CNTN5: variants seen among roughly 807,000 people sequenced by gnomAD.
CNTN5 encodes the protein contactin-5.
A neutral mutation model predicts 129.1 loss-of-function variants in CNTN5; 77 were observed. That is an observed-to-expected ratio of 0.60 (90% confidence interval 0.50 to 0.72). The LOEUF (loss-of-function observed/expected upper bound fraction) is 0.72, where lower values mean the gene tolerates loss of function less well. Ranked by LOEUF, CNTN5 falls within the 30% of genes least tolerant of loss-of-function variation. The pLI is 0.00. For missense variants in CNTN5, 1,478 were observed against 1,328.8 expected, an observed-to-expected ratio of 1.11 and a Z score of -1.75; for synonymous variants, 509 against 465.6, an observed-to-expected ratio of 1.09 and a Z score of -1.20.
rs568662705 is a variant in CNTN5 at position 99,841,682 on chromosome 11, G to A, written c.278-3170G>A. 1.1e-4 allele frequency among the ~76,000 whole-genome samples: 17 copies of A among 150,964 alleles called. No individual in the cohort carries two copies. In the South Asian group the frequency reaches 2.3e-3, roughly 21 times the overall value. ...GAAGGAGAATGAAGAAGGAGGAAGA[G>A]AATGACAAGAATGAAAAATAAGAAG... On this transcript the variant is annotated intron_variant, in intron 4 of 24. Transcript: ENST00000524871.
intron 3 of CNTN5, among the ~76,000 whole-genome samples, chr11:99,750,060 C>G (rs78346483): frequency 2.6e-5 from 4 of 152,056 alleles, no homozygotes; most frequent in Admixed American, 1.3e-4. Flanking sequence ...AATGTTGGCT[C>G]GTCTGTGGAT....
intron 2 of CNTN5, among the ~76,000 whole-genome samples, chr11:99,434,790 T>C (rs1943536757): frequency 6.6e-6 from 1 of 152,166 alleles, no homozygotes; most frequent in African/African-American, 2.4e-5. Context: ...TGTGGAAATA[T>C]GAATATATTT....
chr11:99,669,009 T>C (rs1158929596), intron 3 of CNTN5, among the ~76,000 whole-genome samples: 1 of 152,194 alleles, frequency 6.6e-6, no homozygotes, highest in Non-Finnish European at 1.5e-5. Flanking sequence ...TTGAAATATG[T>C]ATTTTCTATT....
rs61891991 is a variant in CNTN5, at chr11:99,368,272, T to A, written c.-71+42788T>A. 6.9e-3 allele frequency among the ~76,000 whole-genome samples: 1,046 copies of A among 152,250 alleles called. 12 individuals carry two copies. Among genetic ancestry groups the A allele is most frequent in the Middle Eastern group, 0.014 (4 of 294 alleles). ...GGTTATTCTAGAGTACCCTTGAGTATGCTACTCAGAACTCTCAGACAGAAG... is the reference window on the plus strand; with the variant it reads ...GGTTATTCTAGAGTACCCTTGAGTAAGCTACTCAGAACTCTCAGACAGAAG... On this transcript the variant is annotated intron_variant, in intron 2 of 24. Transcript: ENST00000524871.
intron 1 of CNTN5, among the ~76,000 whole-genome samples, chr11:99,247,834 G>A (rs1472042039): frequency 6.6e-6 from 1 of 152,078 alleles, no homozygotes; most frequent in East Asian, 1.9e-4. Flanking sequence ...GTGTATATGT[G>A]CCACATTTTC....
At chr11:99,584,368 A>T in intron 3 of CNTN5, among the ~76,000 whole-genome samples, 1 of 152,296 alleles carries the variant, frequency 6.6e-6, no homozygotes, top group East Asian at 1.9e-4. Flanking sequence ...AGAGCTTCTC[A>T]TGCTGTTGGC....
intron 3 of CNTN5, among the ~76,000 whole-genome samples, chr11:99,722,801 T>C (rs187297344): frequency 4.6e-5 from 7 of 151,936 alleles, no homozygotes; most frequent in South Asian, 2.1e-4. Context: ...TGGGGAGATA[T>C]AGCCCATATG....
chr11:99,520,024 G>C (rs915077089), intron 2 of CNTN5, among the ~76,000 whole-genome samples: 2 of 151,998 alleles, frequency 1.3e-5, no homozygotes, highest in African/African-American at 2.4e-5. Flanking sequence ...TTTTGTGCTA[G>C]TTCACTGAAC....
chr11:100,326,456 G>A (rs959668568), intron 21 of CNTN5, among the ~76,000 whole-genome samples: 1 of 152,008 alleles, frequency 6.6e-6, no homozygotes, highest in Admixed American at 6.6e-5. Context: ...CATCACCAAA[G>A]ACTATTGATT....
intron 16 of CNTN5, among the ~76,000 whole-genome samples, chr11:100,234,574 T>C (rs1949566459): frequency 6.7e-6 from 1 of 149,178 alleles, no homozygotes; most frequent in South Asian, 2.1e-4. Context: ...TTCTCACTCA[T>C]AAGTGGGAAT....
At position 100,045,691 on chromosome 11, in the gene CNTN5, C is replaced by A. The variant is rs150397421; in HGVS notation, c.981-15521C>A. 8.3e-3 allele frequency among the ~76,000 whole-genome samples: 1,237 copies of A among 149,364 alleles called. 13 individuals are homozygous for A. The highest frequency in any genetic ancestry group is 0.026 in the African/African-American group (1,050 of 40,730). ...CGGTGGGAAAACACATACTGACTACCTAAATTCTTTTAGATGTACATTTAT... is the reference window on the plus strand; with the variant it reads ...CGGTGGGAAAACACATACTGACTACATAAATTCTTTTAGATGTACATTTAT... On this transcript the variant is annotated intron_variant, in intron 9 of 24. Transcript: ENST00000524871.
chr11:100,006,273 A>C (rs974025454), intron 9 of CNTN5, among the ~76,000 whole-genome samples: 2 of 152,120 alleles, frequency 1.3e-5, no homozygotes, highest in African/African-American at 2.4e-5. Context: ...GTGGCTGCTA[A>C]AGGTTGGGGT....
chr11:100,216,754 T>C (rs967257092), intron 15 of CNTN5, among the ~76,000 whole-genome samples: 1 of 152,178 alleles, frequency 6.6e-6, no homozygotes. Context: ...CTATGGTTCA[T>C]TGAAATAATT....
At chr11:100,205,627 TC>T (rs1223126395) in intron 15 of CNTN5, among the ~76,000 whole-genome samples, 1 of 152,022 alleles carries the variant, frequency 6.6e-6, no homozygotes, top group Non-Finnish European at 1.5e-5. Context: ...GGGTTCTGTA[TC>T]CATGGATTCA....
At chr11:99,863,111 G>T (rs1948258714) in intron 6 of CNTN5, among the ~76,000 whole-genome samples, 1 of 152,108 alleles carries the variant, frequency 6.6e-6, no homozygotes, top group African/African-American at 2.4e-5. Flanking sequence ...GCCTTCTGTT[G>T]TGTTAGAGAA....
intron 2 of CNTN5, among the ~76,000 whole-genome samples, chr11:99,541,625 G>A (rs1441451048): frequency 1.3e-5 from 2 of 152,102 alleles, no homozygotes; most frequent in Admixed American, 1.3e-4. Context: ...TGAATTCTGG[G>A]TCAAGGTTTC....
intron 1 of CNTN5, among the ~76,000 whole-genome samples, chr11:99,236,788 A>C (rs1439985786): frequency 6.6e-6 from 1 of 151,968 alleles, no homozygotes; most frequent in Non-Finnish European, 1.5e-5. Context: ...TTTTCTTAAC[A>C]GTTTTATTTG....
intron 2 of CNTN5, among the ~76,000 whole-genome samples, chr11:99,370,098 GA>G (rs1659551044): frequency 6.6e-6 from 1 of 152,058 alleles, no homozygotes; most frequent in East Asian, 1.9e-4. Flanking sequence ...TTTCATATGT[GA>G]AACAAGATAA....
chr11:99,282,557 G>T (rs1265737753), intron 1 of CNTN5, among the ~76,000 whole-genome samples: 1 of 151,996 alleles, frequency 6.6e-6, no homozygotes, highest in Non-Finnish European at 1.5e-5. Flanking sequence ...AAAATTCAAG[G>T]ATAATGGGAA....
Sources: gnomAD v4.1 joint callset for allele counts (sites outside exome capture counted in the v4.1 genomes callset) on GRCh38, gnomAD v4.1.1 for gene constraint, MANE v1.5 for transcripts, NCBI Gene and HGNC (gene_info 2026-07-23, HGNC 2026-07-21) for gene names.